R3HDM2: variants seen among roughly 807,000 people sequenced by gnomAD.
R3HDM2 encodes R3H domain containing 2.
R3HDM2 carries 38 observed loss-of-function variants against 124.5 expected under a neutral mutation model. The observed-to-expected ratio is 0.31, with a 90% CI of 0.24 to 0.40. R3HDM2 has a LOEUF of 0.40. R3HDM2 is among the 10% of genes least tolerant of loss of function. R3HDM2 has a pLI of 1.00. For missense variants in R3HDM2, 869 were observed against 1,236.9 expected (o/e 0.70, Z 4.46); for synonymous variants, 391 against 448.0 (o/e 0.87, Z 1.61).
chr12:57,300,512 T>C (rs754125705), intron 4 of R3HDM2, among the ~76,000 whole-genome samples: 117 of 152,304 alleles, frequency 7.7e-4, no homozygotes, highest in Admixed American at 1.4e-3. Context: ...CACAGCAACA[T>C]AGCATAGTAG....
intron 2 of R3HDM2, among the ~76,000 whole-genome samples, chr12:57,368,057 T>A (rs1360873347): frequency 6.6e-6 from 1 of 151,920 alleles, no homozygotes; most frequent in Non-Finnish European, 1.5e-5. Context: ...TTTTTTTTGG[T>A]TTTTTGGTTA....
chr12:57,302,639 C>T (rs1442267623), intron 4 of R3HDM2, among the ~76,000 whole-genome samples: 2 of 140,974 alleles, frequency 1.4e-5, no homozygotes, highest in Non-Finnish European at 3.0e-5. Flanking sequence ...GCACTAAAGC[C>T]TGGGCAAGAG....
intron 2 of R3HDM2, among the ~76,000 whole-genome samples, chr12:57,367,960 A>G (rs1423673715): frequency 6.6e-6 from 1 of 151,582 alleles, no homozygotes; most frequent in Non-Finnish European, 1.5e-5. Context: ...TTCTATATTC[A>G]ATAATTCCAA....
intron 10 of R3HDM2, among the ~76,000 whole-genome samples, chr12:57,294,119 G>A (rs775536324): frequency 1.3e-4 from 20 of 152,236 alleles, no homozygotes; most frequent in Non-Finnish European, 8.8e-5. Context: ...GAGGATTAAA[G>A]GAAATAATGC....
chr12:57,330,214 G>A (rs983196295), intron 2 of R3HDM2, among the ~76,000 whole-genome samples: 3 of 150,982 alleles, frequency 2.0e-5, no homozygotes, highest in Non-Finnish European at 4.4e-5. Flanking sequence ...GATCCACCTG[G>A]CTCAGCTTCC....
At chr12:57,335,664 A>AT (rs2058764062) in intron 2 of R3HDM2, among the ~76,000 whole-genome samples, 1 of 139,506 alleles carries the variant, frequency 7.2e-6, no homozygotes, top group African/African-American at 2.7e-5. Context: ...TACCCAGCTA[A>AT]CTTTTTTTTT....
intron 2 of R3HDM2, among the ~76,000 whole-genome samples, chr12:57,342,319 T>C (rs2136995194): frequency 7.0e-6 from 1 of 143,750 alleles, no homozygotes; most frequent in East Asian, 2.3e-4. Context: ...TCCCGCCCCC[T>C]TCACCCTTGA....
chr12:57,378,259 G>A (rs866276354), intron 2 of R3HDM2, among the ~76,000 whole-genome samples: 3 of 152,114 alleles, frequency 2.0e-5, no homozygotes, highest in Non-Finnish European at 4.4e-5. Context: ...TGGGCAAAAA[G>A]GGGACATGAA....
At chr12:57,416,168 C>A (rs909680226) in intron 1 of R3HDM2, among the ~76,000 whole-genome samples, 1 of 151,724 alleles carries the variant, frequency 6.6e-6, no homozygotes, top group Admixed American at 6.6e-5. Context: ...TTTCCTAATA[C>A]GTGAATAAAA....
chr12:57,302,395 G>A (rs766840685), intron 4 of R3HDM2, among the ~76,000 whole-genome samples: 3 of 152,076 alleles, frequency 2.0e-5, no homozygotes, highest in Non-Finnish European at 4.4e-5. Context: ...GCCGGGCACG[G>A]TGGCTCATGC....
Position 57,268,287 on chromosome 12 carries a change from C to G in R3HDM2, c.2030+16G>C, listed in dbSNP as rs1414822527. ...CTATGGGAGATGTCCTGTCCTGGCT[C>G]TCTGGGAGTCCTCACCTCGTACCGT... On this transcript the variant is annotated intron_variant, in intron 18 of 23. Transcript: ENST00000402412. 3 of 1,611,512 alleles carry G rather than the reference C, an allele frequency of 1.9e-6. No homozygotes were observed. The highest frequency in any genetic ancestry group is 2.2e-5 in the South Asian group (2 of 90,850).
chr12:57,380,671 A>C (rs2064734709), intron 2 of R3HDM2, among the ~76,000 whole-genome samples: 1 of 152,156 alleles, frequency 6.6e-6, no homozygotes, highest in Non-Finnish European at 1.5e-5. Context: ...TACAAATATG[A>C]TATTCTTGGG....
rs940621749 is a variant in R3HDM2 at position 57,338,637 on chromosome 12, C to T, written c.-35-28174G>A. Among the ~76,000 whole-genome samples the T allele has an allele frequency of 1.4e-4, 22 of 152,178 alleles. No individual in the cohort carries two copies. The East Asian group carries it at 3.7e-3, about 26-fold the overall frequency. On this transcript the variant is annotated intron_variant, in intron 2 of 23. Transcript: ENST00000402412. ...GAACCCCAGACCTCAAGTGATCCAC[C>T]CACCCTGGCCTCCCAAAGTAACATG...
At chr12:57,379,052 G>A (rs1330258629) in intron 2 of R3HDM2, among the ~76,000 whole-genome samples, 3 of 152,154 alleles carry the variant, frequency 2.0e-5, no homozygotes, top group Admixed American at 1.3e-4. Context: ...TACTTGCCAG[G>A]GCTGGGGGAA....
At chr12:57,360,770 A>G (rs903520581) in intron 2 of R3HDM2, among the ~76,000 whole-genome samples, 2 of 152,224 alleles carry the variant, frequency 1.3e-5, no homozygotes, top group African/African-American at 4.8e-5. Context: ...TAAGAAAGGC[A>G]TAGCGCTGGG....
chr12:57,327,031 T>C (rs2057397791), intron 2 of R3HDM2, among the ~76,000 whole-genome samples: 1 of 152,068 alleles, frequency 6.6e-6, no homozygotes, highest in Non-Finnish European at 1.5e-5. Context: ...CTCATTGACA[T>C]TGCACCTAAT....
intron 1 of R3HDM2, among the ~76,000 whole-genome samples, chr12:57,418,817 C>T (rs1175119018): frequency 6.6e-6 from 1 of 152,154 alleles, no homozygotes; most frequent in African/African-American, 2.4e-5. Context: ...CCCGCCTTAA[C>T]CTCCCAAAGT....
chr12:57,277,352 G>A (rs1018968122), intron 14 of R3HDM2, among the ~76,000 whole-genome samples: 2 of 152,078 alleles, frequency 1.3e-5, no homozygotes, highest in Non-Finnish European at 2.9e-5. Context: ...TGCCAGGAAG[G>A]GAAAGATCAT....
chr12:57,399,563 G>A (rs1203608252), intron 1 of R3HDM2, among the ~76,000 whole-genome samples: 4 of 152,004 alleles, frequency 2.6e-5, no homozygotes, highest in African/African-American at 9.7e-5. Context: ...ATTATCACAG[G>A]TTTAGGCAAT....
Sources: allele counts gnomAD v4.1 joint callset (sites outside exome capture counted in the v4.1 genomes callset), GRCh38; gene constraint gnomAD v4.1.1; transcripts MANE v1.5; gene names NCBI Gene and HGNC (gene_info 2026-07-23, HGNC 2026-07-21).